NCAM1: variants seen among roughly 807,000 people sequenced by gnomAD.
NCAM1 encodes the protein antigen recognized by monoclonal antibody 5.1H11.
Under a neutral mutation model 109.8 loss-of-function variants are expected in NCAM1, and 14 were observed. The observed-to-expected ratio is 0.13, with a 90% CI of 0.08 to 0.20. NCAM1 has a LOEUF of 0.20. Among genes scored for constraint, NCAM1 ranks in the 10% least tolerant of loss-of-function variants. The probability of loss-of-function intolerance (pLI) is 1.00; values close to 1 mark genes in which losing one functional copy is unlikely to be tolerated. For missense variants in NCAM1, 774 were observed against 1,109.9 expected, an observed-to-expected ratio of 0.70 and a Z score of 4.30; for synonymous variants, 418 against 442.9, an observed-to-expected ratio of 0.94 and a Z score of 0.70.
At chr11:113,024,322 C>T (rs1041384517) in intron 1 of NCAM1, among the ~76,000 whole-genome samples, 3 of 152,182 alleles carry the variant, frequency 2.0e-5, no homozygotes, top group African/African-American at 7.2e-5. Context: ...GGCAAACTTC[C>T]ATTCCATATC....
intron 1 of NCAM1, among the ~76,000 whole-genome samples, chr11:113,171,437 G>T (rs1555106223): frequency 6.6e-6 from 1 of 152,098 alleles, no homozygotes; most frequent in South Asian, 2.1e-4. Context: ...TTCGAGACAA[G>T]TCTGGCCAAG....
chr11:113,114,272 G>A (rs1466680840), intron 1 of NCAM1, among the ~76,000 whole-genome samples: 3 of 152,160 alleles, frequency 2.0e-5, no homozygotes, highest in African/African-American at 7.2e-5. Flanking sequence ...TCAGAGCATT[G>A]CAGAGGGGAA....
At chr11:113,234,953 G>C in intron 13 of NCAM1, 80 bp from the exon 14 acceptor site, 3 of 1,449,630 alleles carry the variant, frequency 2.1e-6, no homozygotes, top group Non-Finnish European at 2.8e-6. Context: ...AATTTTTTCA[G>C]GACCCTCCCT....
In NCAM1 at chr11:113,207,814, G is replaced by A. The variant is rs1555113112; in HGVS notation, c.747-19G>A. The A allele has an allele frequency of 6.3e-7, 1 of 1,598,940 alleles. No individual in the cohort carries two copies. The highest frequency in any genetic ancestry group is 8.5e-7 in the Non-Finnish European group (1 of 1,170,776). Reference sequence around the variant, plus strand: ...TCTGTGGTCGAAATCATGCTACTTTGCATTTCTACATGCTCTAGGGATGGG... The same window carrying A: ...TCTGTGGTCGAAATCATGCTACTTTACATTTCTACATGCTCTAGGGATGGG... On this transcript the variant is annotated intron_variant, in intron 6 of 19. Coordinates refer to ENST00000316851, the MANE Select transcript of NCAM1 (RefSeq NM_181351.5).
chr11:113,271,928 A>G, intron 19 of NCAM1, 52 bp downstream of exon 19: 2 of 1,257,028 alleles, frequency 1.6e-6, no homozygotes, highest in Non-Finnish European at 2.1e-6. Flanking sequence ...CCCCACACCC[A>G]CCTCCCCACC....
chr11:113,046,083 G>T (rs781918237), intron 1 of NCAM1, among the ~76,000 whole-genome samples: 7 of 152,152 alleles, frequency 4.6e-5, no homozygotes, highest in Non-Finnish European at 7.4e-5. Flanking sequence ...ATAATTATTT[G>T]TCACAGGAGT....
At chr11:113,231,851 T>A in intron 10 of NCAM1, 56 bp downstream of exon 10, 2 of 1,603,004 alleles carry the variant, frequency 1.2e-6, no homozygotes, top group Non-Finnish European at 8.5e-7. Flanking sequence ...AGGGTCAGGA[T>A]GAGAGAGGAA....
chr11:113,143,526 T>C (rs1565461083), intron 1 of NCAM1, among the ~76,000 whole-genome samples: 1 of 152,248 alleles, frequency 6.6e-6, no homozygotes, highest in Admixed American at 6.5e-5. Context: ...AGTACTTTGA[T>C]GCTGTTGTAT....
chr11:113,163,537 A>G (rs1331057300), intron 1 of NCAM1, among the ~76,000 whole-genome samples: 1 of 152,106 alleles, frequency 6.6e-6, no homozygotes, highest in Non-Finnish European at 1.5e-5. Flanking sequence ...ATGGAAAGCA[A>G]TTTGTTAGGG....
intron 1 of NCAM1, among the ~76,000 whole-genome samples, chr11:113,001,684 C>T (rs1951758091): frequency 6.6e-6 from 1 of 152,036 alleles, no homozygotes; most frequent in South Asian, 2.1e-4. Context: ...CATTGTAGGC[C>T]GAAGGCTGGT....
intron 1 of NCAM1, among the ~76,000 whole-genome samples, chr11:113,092,406 G>A (rs781850682): frequency 7.9e-5 from 12 of 151,962 alleles, no homozygotes; most frequent in East Asian, 3.9e-4. Flanking sequence ...GTGCTTTGCC[G>A]GTAATTGAAT....
chr11:112,981,238 A>G (rs1265875742), intron 1 of NCAM1, among the ~76,000 whole-genome samples: 1 of 151,840 alleles, frequency 6.6e-6, no homozygotes, highest in Admixed American at 6.6e-5. Flanking sequence ...GATGTTTTCC[A>G]GTATTTTGTA....
intron 1 of NCAM1, among the ~76,000 whole-genome samples, chr11:112,976,788 G>T (rs1591205940): frequency 6.6e-6 from 1 of 151,784 alleles, no homozygotes; most frequent in South Asian, 2.1e-4. Context: ...GCAATTTGAT[G>T]TGGTAAGTCT....
At chr11:113,160,982 TC>T (rs1452498141) in intron 1 of NCAM1, among the ~76,000 whole-genome samples, 1 of 152,130 alleles carries the variant, frequency 6.6e-6, no homozygotes, top group Non-Finnish European at 1.5e-5. Context: ...CAACTCCCAC[TC>T]CCTATGGATG....
At chr11:113,167,450 C>T (rs571338566) in intron 1 of NCAM1, among the ~76,000 whole-genome samples, 10 of 152,036 alleles carry the variant, frequency 6.6e-5, no homozygotes, top group African/African-American at 2.2e-4. Flanking sequence ...GCCACTTCTC[C>T]ACAGGCCTTC....
intron 1 of NCAM1, among the ~76,000 whole-genome samples, chr11:113,036,124 C>T (rs1344458955): frequency 2.6e-5 from 4 of 152,024 alleles, no homozygotes; most frequent in Admixed American, 1.3e-4. Flanking sequence ...TCTTCCAAGC[C>T]ATTTCCACAC....
intron 1 of NCAM1, among the ~76,000 whole-genome samples, chr11:113,038,549 G>A (rs1472248917): frequency 6.6e-6 from 1 of 152,122 alleles, no homozygotes; most frequent in African/African-American, 2.4e-5. Context: ...GTTCACCATT[G>A]GTATCCCTTA....
chr11:113,112,207 C>T (rs1940476873), intron 1 of NCAM1, among the ~76,000 whole-genome samples: 1 of 152,160 alleles, frequency 6.6e-6, no homozygotes, highest in Non-Finnish European at 1.5e-5. Context: ...GTTCTTTTTA[C>T]CTGATGTTAG....
intron 17 of NCAM1, among the ~76,000 whole-genome samples, chr11:113,262,233 G>T (rs570320326): frequency 1.3e-5 from 2 of 152,320 alleles, no homozygotes; most frequent in East Asian, 1.9e-4. Flanking sequence ...TGTGGTGTGG[G>T]ACTTGTGCCA....
Sources: gnomAD v4.1 joint callset for allele counts (sites outside exome capture counted in the v4.1 genomes callset) on GRCh38, gnomAD v4.1.1 for gene constraint, MANE v1.5 for transcripts, NCBI Gene and HGNC (gene_info 2026-07-23, HGNC 2026-07-21) for gene names.